Variants in C6 observed in about 807,000 individuals in gnomAD.
C6 encodes the protein complement component C6.
Under a neutral mutation model 112.9 loss-of-function variants are expected in C6, and 101 were observed. That is an observed-to-expected ratio of 0.89 (90% CI 0.76 to 1.06). The LOEUF is 1.06. C6 is among the 50% of genes least tolerant of loss of function. C6 has a pLI of 0.00. For synonymous variants in C6, 431 were observed against 384.1 expected (o/e 1.12, Z -1.43); for missense variants, 1,202 against 1,104.6 (o/e 1.09, Z -1.25).
intron 8 of C6, among the ~76,000 whole-genome samples, chr5:41,174,636 G>A (rs147543845): frequency 1.3e-5 from 2 of 152,292 alleles, no homozygotes; most frequent in East Asian, 3.9e-4. Flanking sequence ...TTGAACAATA[G>A]AGAAATAAAT....
At chr5:41,166,398 G>A (rs1006895380) in intron 9 of C6, among the ~76,000 whole-genome samples, 2 of 152,016 alleles carry the variant, frequency 1.3e-5, no homozygotes, top group African/African-American at 4.8e-5. Flanking sequence ...TCTATAAAAT[G>A]GGGGTAATAA....
intron 1 of C6, among the ~76,000 whole-genome samples, chr5:41,260,255 A>C (rs192099584): frequency 9.9e-5 from 15 of 151,790 alleles, no homozygotes; most frequent in Admixed American, 7.9e-4. Flanking sequence ...ACTTGAACAC[A>C]CACACAAACA....
At chr5:41,226,505 T>C (rs921774237) in intron 1 of C6, among the ~76,000 whole-genome samples, 11 of 152,092 alleles carry the variant, frequency 7.2e-5, no homozygotes, top group Admixed American at 6.6e-4. Context: ...GTAGAGTACA[T>C]TGTGATTAAC....
At chr5:41,188,979 A>G (rs1013048070) in intron 5 of C6, among the ~76,000 whole-genome samples, 5 of 152,104 alleles carry the variant, frequency 3.3e-5, no homozygotes, top group African/African-American at 1.2e-4. Flanking sequence ...ATCTAAATAT[A>G]TAGTTCTTTG....
rs180801967 is a variant in C6 at position 41,186,886 on chromosome 5, A to C, written c.588-678T>G. ...ATAGAGATTAATTAGCTTAGCATAA[A>C]TCAACTATTTAAGAGGTTATTTTGT... is the stretch of plus-strand genomic sequence containing the variant. On this transcript the variant is annotated intron_variant, in intron 5 of 17. Transcript: ENST00000337836. Among the ~76,000 whole-genome samples the C allele has an allele frequency of 3.3e-5, 5 of 152,282 alleles. No individual in the cohort carries two copies. In the East Asian group the frequency reaches 9.6e-4, roughly 29 times the overall value.
intron 9 of C6, among the ~76,000 whole-genome samples, chr5:41,163,915 G>A (rs1335681517): frequency 1.3e-5 from 2 of 152,154 alleles, no homozygotes; most frequent in Non-Finnish European, 2.9e-5. Context: ...GCTCTTCAAT[G>A]TGTCTGTGAC....
At chr5:41,157,819 TA>T (rs1049208445) in intron 13 of C6, among the ~76,000 whole-genome samples, 1 of 152,144 alleles carries the variant, frequency 6.6e-6, no homozygotes, top group African/African-American at 2.4e-5. Flanking sequence ...TTTTCTAGAG[TA>T]AAGACTAATT....
rs58519659 is a variant in C6 at position 41,201,463 on chromosome 5, G to A, written c.300+95C>T. 1.0e-3 allele frequency: 1,262 copies of A among 1,205,190 alleles called. 9 individuals are homozygous for A. The African/African-American group carries it at 0.016, about 15-fold the overall frequency. The allele number at this position is 1,205,190 out of a possible 1,614,324, so 74.7% of individuals were successfully genotyped here. On this transcript the variant is annotated intron_variant, in intron 3 of 17. Transcript: ENST00000337836. ...CTGAGACAGTTGATTTTCAGAAATT[G>A]AAGTAATTCAGCATTACTATGCTGT...
chr5:41,180,307 C>A (rs13182727), intron 7 of C6, among the ~76,000 whole-genome samples: 1 of 151,930 alleles, frequency 6.6e-6, no homozygotes, highest in Non-Finnish European at 1.5e-5. Flanking sequence ...GGCTCATTCT[C>A]CTCATTCATC....
chr5:41,179,447 C>T lies in C6; in HGVS notation c.927+1912G>A, dbSNP rs542448116. On this transcript the variant is annotated intron_variant, in intron 7 of 17. Coordinates refer to ENST00000337836, the MANE Select transcript of C6 (RefSeq NM_000065.5). ...TTATAAGCAGTTATTTCCAATCCTG[C>T]ATGCTATATTATACTGAGCTAGGGA... Among the ~76,000 whole-genome samples, 4 of 152,064 alleles carry T rather than the reference C, an allele frequency of 2.6e-5. No homozygotes were observed. The South Asian group carries it at 6.2e-4, about 24-fold the overall frequency.
chr5:41,186,091 A>T lies in C6; in HGVS notation c.705T>A (p.Asn235Lys), dbSNP rs1749743774. 3 of 1,613,876 alleles carry T rather than the reference A, an allele frequency of 1.9e-6. No individual in the cohort carries two copies. Among genetic ancestry groups the T allele is most frequent in the Non-Finnish European group, 2.5e-6 (3 of 1,179,938 alleles). Residue 235 changes from asparagine (N) to lysine (K), a missense_variant, in exon 6 of 18, where the codon AAT becomes AAA. By Grantham distance (94) the Asn-to-Lys change is moderately conservative (BLOSUM62 0). Transcript: ENST00000337836. ...ATACCTCAAAGCCGACATTTTCCAG[A>T]TTGGCCGGAACACGGTATGGATTAC... ...RTSNPYRVPA[N>K]LENVGFEVQT...
intron 7 of C6, 123 bp downstream of exon 7, chr5:41,181,236 C>A: frequency 1.2e-6 from 1 of 859,438 alleles, no homozygotes; most frequent in South Asian, 1.6e-5. Context: ...GGAAAAATTA[C>A]TTAAATCTGT....
chr5:41,184,342 T>G (rs4642410), intron 6 of C6, among the ~76,000 whole-genome samples: 1 of 151,976 alleles, frequency 6.6e-6, no homozygotes, highest in Non-Finnish European at 1.5e-5. Context: ...ATACTACAAA[T>G]GTCTCATCTA....
chr5:41,168,095 C>A (rs960781690), intron 9 of C6, among the ~76,000 whole-genome samples: 3 of 152,194 alleles, frequency 2.0e-5, no homozygotes, highest in Non-Finnish European at 2.9e-5. Context: ...GATGAGCAAA[C>A]TTTCCACTCA....
rs1280829984 is a variant in C6 at position 41,174,420 on chromosome 5, C to T, written c.1168+2055G>A. ...ACAGGAGTGTTAGTTGAAAATTTCA[C>T]ATTAGTAAGTAGTGTGGTGAATAAT... On this transcript the variant is annotated intron_variant, in intron 8 of 17. Transcript: ENST00000337836. Among the ~76,000 whole-genome samples the T allele has an allele frequency of 5.3e-5, 8 of 152,288 alleles. No individual in the cohort carries two copies. The East Asian group carries it at 1.2e-3, about 22-fold the overall frequency.
chr5:41,198,137 G>A (rs185279716), intron 4 of C6, among the ~76,000 whole-genome samples: 30 of 152,182 alleles, frequency 2.0e-4, no homozygotes, highest in East Asian at 1.5e-3. Flanking sequence ...AAAAATCCAC[G>A]TATACATCAA....
At chr5:41,218,685 T>C (rs182718796) in intron 1 of C6, among the ~76,000 whole-genome samples, 4 of 152,216 alleles carry the variant, frequency 2.6e-5, no homozygotes, top group Non-Finnish European at 5.9e-5. Flanking sequence ...AGGCCAGGAT[T>C]GGGTATGGGT....
At chr5:41,151,662 G>A (rs1227940999) in intron 15 of C6, among the ~76,000 whole-genome samples, 1 of 152,162 alleles carries the variant, frequency 6.6e-6, no homozygotes, top group Non-Finnish European at 1.5e-5. Context: ...GTAGGAGAGT[G>A]CAGTGTGAGG....
intron 1 of C6, among the ~76,000 whole-genome samples, chr5:41,205,938 C>G (rs1430636128): frequency 6.6e-6 from 1 of 152,178 alleles, no homozygotes; most frequent in African/African-American, 2.4e-5. Flanking sequence ...GTCCCTGACC[C>G]CCGAGTAGCC....
Sources: gnomAD v4.1 joint callset for allele counts (sites outside exome capture counted in the v4.1 genomes callset) on GRCh38, gnomAD v4.1.1 for gene constraint, MANE v1.5 for transcripts, NCBI Gene and HGNC (gene_info 2026-07-23, HGNC 2026-07-21) for gene names.